Variants in SH3RF3 observed in about 807,000 individuals in gnomAD.
SH3RF3 encodes E3 ubiquitin-protein ligase SH3RF3.
Under a neutral mutation model 66.3 loss-of-function variants are expected in SH3RF3, and 29 were observed. The observed-to-expected ratio is 0.44, with a 90% CI of 0.33 to 0.60. SH3RF3 has a LOEUF of 0.60. SH3RF3 is among the 20% of genes least tolerant of loss of function. The probability of loss-of-function intolerance (pLI) is 0.04; values close to 1 mark genes in which losing one functional copy is unlikely to be tolerated. For missense variants in SH3RF3, 1,194 were observed against 1,190.9 expected, an observed-to-expected ratio of 1.00 and a Z score of -0.04; for synonymous variants, 583 against 532.0, an observed-to-expected ratio of 1.10 and a Z score of -1.32.
intron 8 of SH3RF3, among the ~76,000 whole-genome samples, chr2:109,460,943 T>G (rs1054683535): frequency 6.6e-6 from 1 of 152,208 alleles, no homozygotes; most frequent in African/African-American, 2.4e-5. Context: ...CTGCCCACTT[T>G]CAGGTGGTGC....
chr2:109,228,468 C>T (rs1344638753), intron 1 of SH3RF3, among the ~76,000 whole-genome samples: 2 of 152,190 alleles, frequency 1.3e-5, no homozygotes, highest in Admixed American at 6.5e-5. Flanking sequence ...TTTTGCCACA[C>T]CAAGCAATTC....
intron 4 of SH3RF3, among the ~76,000 whole-genome samples, chr2:109,402,099 C>T (rs1453371384): frequency 1.3e-5 from 2 of 152,238 alleles, no homozygotes; most frequent in Non-Finnish European, 2.9e-5. Flanking sequence ...CAGGTGTGAG[C>T]TGTGTATGCT....
At chr2:109,382,253 T>C (rs989678979) in intron 3 of SH3RF3, among the ~76,000 whole-genome samples, 3 of 152,162 alleles carry the variant, frequency 2.0e-5, no homozygotes, top group South Asian at 4.1e-4. Context: ...TCCTTAACCA[T>C]AGGGTCTGTC....
intron 1 of SH3RF3, among the ~76,000 whole-genome samples, chr2:109,225,668 T>C (rs929574127): frequency 6.6e-6 from 1 of 152,282 alleles, no homozygotes; most frequent in African/African-American, 2.4e-5. Flanking sequence ...CCGTCTTGTT[T>C]CCTGTAAATA....
chr2:109,251,314 T>G, intron 1 of SH3RF3: 1 of 435,328 alleles, frequency 2.3e-6, no homozygotes, highest in Non-Finnish European at 4.3e-6. Context: ...GCCCAAATTA[T>G]CTTTAACAAA....
intron 1 of SH3RF3, among the ~76,000 whole-genome samples, chr2:109,285,118 CCCAGGGT>C (rs1680999786): frequency 6.6e-6 from 1 of 152,202 alleles, no homozygotes; most frequent in Non-Finnish European, 1.5e-5. Flanking sequence ...CTGGAAAGAG[CCCAGGGT>C]CTGGAGTAGG....
intron 4 of SH3RF3, among the ~76,000 whole-genome samples, chr2:109,416,848 T>A (rs1022060331): frequency 6.8e-6 from 1 of 146,032 alleles, no homozygotes; most frequent in African/African-American, 2.6e-5. Context: ...GAGGTTGCAG[T>A]GAGCTGAGAT....
At chr2:109,306,754 G>C (rs1681607432) in intron 1 of SH3RF3, among the ~76,000 whole-genome samples, 1 of 152,246 alleles carries the variant, frequency 6.6e-6, no homozygotes, top group Non-Finnish European at 1.5e-5. Flanking sequence ...TCCACTAGGG[G>C]ATGGTGCAGG....
chr2:109,400,740 G>A lies in SH3RF3; in HGVS notation c.1299+1797G>A, dbSNP rs548939975. ...CACACAAACGCTGGCTCTCATCGGC[G>A]GCTGAGGCTGAGGTCTGGAATGGGT... is the stretch of plus-strand genomic sequence containing the variant. On this transcript the variant is annotated intron_variant, in intron 4 of 9. Transcript: ENST00000309415. 9.2e-5 allele frequency among the ~76,000 whole-genome samples: 14 copies of A among 152,268 alleles called. No homozygotes were observed. The East Asian group carries it at 1.5e-3, about 17-fold the overall frequency.
intron 8 of SH3RF3, among the ~76,000 whole-genome samples, chr2:109,475,892 C>T (rs1446738830): frequency 6.6e-6 from 1 of 152,194 alleles, no homozygotes; most frequent in Non-Finnish European, 1.5e-5. Context: ...ATTTCTCTTT[C>T]CACATCTTCA....
chr2:109,398,983 CTGGGGTTCTA>C lies in SH3RF3; in HGVS notation c.1299+42_1299+51del, dbSNP rs150742030. Reference sequence around the variant, plus strand: ...GCCAGGGCAGGCATCCCTGGGTTCTCTGGGGTTCTATCCTCAGCTCCGTGTTCAGTGTCCC... The same window carrying C: ...GCCAGGGCAGGCATCCCTGGGTTCTCTCCTCAGCTCCGTGTTCAGTGTCCC... On this transcript the variant is annotated intron_variant, in intron 4 of 9. Transcript: ENST00000309415. The C allele has an allele frequency of 2.3e-3, 3,538 of 1,565,298 alleles. 72 individuals carry two copies. The African/African-American group carries it at 0.043, about 19-fold the overall frequency.
chr2:109,276,621 T>C (rs1024844847), intron 1 of SH3RF3, among the ~76,000 whole-genome samples: 3 of 152,242 alleles, frequency 2.0e-5, no homozygotes, highest in African/African-American at 4.8e-5. Context: ...TGTTTTGCCA[T>C]GGTGCTTTGG....
intron 1 of SH3RF3, among the ~76,000 whole-genome samples, chr2:109,184,109 C>A (rs1413474348): frequency 6.6e-6 from 1 of 152,334 alleles, no homozygotes; most frequent in South Asian, 2.1e-4. Flanking sequence ...GTTCCATGTG[C>A]TTCGTAGTCT....
intron 1 of SH3RF3, among the ~76,000 whole-genome samples, chr2:109,344,142 C>G (rs943049149): frequency 8.5e-5 from 13 of 152,212 alleles, no homozygotes; most frequent in African/African-American, 2.9e-4. Flanking sequence ...TAGAGGGGAC[C>G]TGCTACGCAG....
chr2:109,240,587 T>C (rs528051007), intron 1 of SH3RF3, among the ~76,000 whole-genome samples: 2 of 152,176 alleles, frequency 1.3e-5, no homozygotes, highest in Admixed American at 6.5e-5. Flanking sequence ...GACTTGTGGA[T>C]AAATAGGTTT....
At position 109,301,241 on chromosome 2, in the gene SH3RF3, G is replaced by A. The variant is rs149071643; in HGVS notation, c.574-46433G>A. ...AGGGGTTTGCTGATCTCTGTGCACCGGGACTCAGACTTTCTCCCGTGTGGC... is the reference window on the plus strand; with the variant it reads ...AGGGGTTTGCTGATCTCTGTGCACCAGGACTCAGACTTTCTCCCGTGTGGC... On this transcript the variant is annotated intron_variant, in intron 1 of 9. Coordinates refer to ENST00000309415, the MANE Select transcript of SH3RF3 (RefSeq NM_001099289.3). 4.4e-4 allele frequency among the ~76,000 whole-genome samples: 67 copies of A among 152,202 alleles called. No homozygotes were observed. The East Asian group carries it at 0.012, about 27-fold the overall frequency.
chr2:109,296,386 C>T (rs915297634), intron 1 of SH3RF3, among the ~76,000 whole-genome samples: 2 of 150,992 alleles, frequency 1.3e-5, no homozygotes, highest in African/African-American at 2.5e-5. Context: ...CACCACCACA[C>T]CCAGTTTTTT....
At chr2:109,424,832 G>A (rs901202821) in intron 5 of SH3RF3, among the ~76,000 whole-genome samples, 6 of 152,268 alleles carry the variant, frequency 3.9e-5, no homozygotes, top group East Asian at 3.9e-4. Context: ...AGGCCTTTTA[G>A]TAACGCTAAG....
intron 1 of SH3RF3, among the ~76,000 whole-genome samples, chr2:109,204,784 T>C (rs1678770439): frequency 6.6e-6 from 1 of 152,236 alleles, no homozygotes; most frequent in Non-Finnish European, 1.5e-5. Context: ...CTAGATTTAT[T>C]GGGTCATTTC....
Sources: allele counts gnomAD v4.1 joint callset (sites outside exome capture counted in the v4.1 genomes callset), GRCh38; gene constraint gnomAD v4.1.1; transcripts MANE v1.5; gene names NCBI Gene and HGNC (gene_info 2026-07-23, HGNC 2026-07-21).